Variants in TBCB observed in about 807,000 individuals in gnomAD.
TBCB encodes tubulin folding cofactor B.
A neutral mutation model predicts 29.2 loss-of-function variants in TBCB; 18 were observed. That is an observed-to-expected ratio of 0.62 (90% CI 0.43 to 0.91). The LOEUF (loss-of-function observed/expected upper bound fraction) is 0.91, where lower values mean the gene tolerates loss of function less well. Among genes scored for constraint, TBCB ranks in the 40% least tolerant of loss-of-function variants. The pLI, the probability that TBCB is intolerant of heterozygous loss-of-function variation, is 0.00. For synonymous variants in TBCB, 172 were observed against 137.8 expected (o/e 1.25, Z -1.74); for missense variants, 336 against 337.6 (o/e 1.00, Z 0.04).
intron 2 of TBCB, among the ~76,000 whole-genome samples, chr19:36,119,449 C>T (rs1010536812): frequency 2.0e-4 from 31 of 152,176 alleles, no homozygotes; most frequent in Non-Finnish European, 1.0e-4. Flanking sequence ...AGCCTCCATC[C>T]TTCCCCCAAC....
At chr19:36,124,147 C>A (rs1416879325) in intron 4 of TBCB, among the ~76,000 whole-genome samples, 2 of 152,184 alleles carry the variant, frequency 1.3e-5, no homozygotes, top group African/African-American at 4.8e-5. Context: ...ATTTGCACTT[C>A]TTTGGCAGCT....
In TBCB at chr19:36,120,676, C is replaced by T. The variant is rs747325887; in HGVS notation, c.259-34C>T. Reference sequence around the variant, plus strand: ...CAGCACCCAGGCCTCCCTGGCCAGACCCTGATCCCCACGGAGCCCCTCCCC... The same window carrying T: ...CAGCACCCAGGCCTCCCTGGCCAGATCCTGATCCCCACGGAGCCCCTCCCC... On this transcript the variant is annotated intron_variant, in intron 2 of 5. Transcript: ENST00000221855. 1.3e-5 allele frequency: 21 copies of T among 1,606,030 alleles called. No homozygotes were observed. In the Admixed American group the frequency reaches 3.3e-4, roughly 26 times the overall value.
At position 36,125,654 on chromosome 19, in the gene TBCB, A is replaced by G. The variant is rs2231577; in HGVS notation, c.621-14A>G. The G allele has an allele frequency of 5.1e-4, 814 of 1,592,688 alleles. 8 individuals carry two copies. The Admixed American group carries it at 0.012, about 24-fold the overall frequency. On this transcript the variant is annotated splice_polypyrimidine_tract_variant and intron_variant, in intron 5 of 5. Coordinates refer to ENST00000221855, the MANE Select transcript of TBCB (RefSeq NM_001281.3). ...GGGTCCTCTGACCACACCCACCCCT[A>G]TCCTTTCCTGCAGTGTGAATGGGAA...
chr19:36,121,835 G>T (rs912767896), intron 4 of TBCB, 117 bp downstream of exon 4: 2 of 1,289,006 alleles, frequency 1.6e-6, no homozygotes, highest in East Asian at 5.1e-5. Context: ...GGTTGGGGGG[G>T]ACTCGAAACG....
chr19:36,118,183 T>C (rs1475494543), intron 2 of TBCB, among the ~76,000 whole-genome samples: 1 of 152,194 alleles, frequency 6.6e-6, no homozygotes, highest in South Asian at 2.1e-4. Flanking sequence ...CCCATCTGTG[T>C]TGTGCCAGGG....
At chr19:36,115,201 C>T (rs1455955981), upstream of TBCB, 4 of 542,324 alleles carry the variant, frequency 7.4e-6, no homozygotes, top group Non-Finnish European at 1.3e-5. Context: ...TGGTTGAAGG[C>T]CAGTGCGCAT....
chr19:36,114,994 G>A (rs1973918642), upstream of TBCB: 2 of 819,614 alleles, frequency 2.4e-6, no homozygotes, highest in East Asian at 2.6e-5. The surrounding 1 kb of genome is among the most constrained non-coding windows in gnomAD (Gnocchi z 4.5). Context: ...CCGCCGCCTC[G>A]GGCTCGGCTC....
chr19:36,121,931 G>A, intron 4 of TBCB: 1 of 670,706 alleles, frequency 1.5e-6, no homozygotes, highest in Non-Finnish European at 2.5e-6. Context: ...CGCAGGCGGA[G>A]TGATCTGTCC....
At chr19:36,121,403 G>T in intron 3 of TBCB, 124 bp from the exon 4 acceptor site, 1 of 1,213,756 alleles carries the variant, frequency 8.2e-7, no homozygotes, top group Non-Finnish European at 1.1e-6. Flanking sequence ...CTGGGGCTTG[G>T]GTGACAGCCC....
At chr19:36,120,984 G>A (rs991907038) in intron 3 of TBCB, among the ~76,000 whole-genome samples, 178 bp downstream of exon 3, 1 of 151,476 alleles carries the variant, frequency 6.6e-6, no homozygotes, top group Non-Finnish European at 1.5e-5. Context: ...GCCTGGGGTG[G>A]GAATGAGGGC....
Position 36,125,513 on chromosome 19 carries a change from A to G in TBCB, c.610A>G (p.Asn204Asp). The change falls in exon 5 of 6, where the codon AAT (asparagine) becomes GAT (aspartate). Residue 204 changes from asparagine to aspartate, a missense_variant. Coordinates refer to ENST00000221855, the MANE Select transcript of TBCB (RefSeq NM_001281.3). ...GVRYDEPLGK[N>D]DGSVNGKRYF... is the part of the protein sequence containing the mutation. Reference sequence around the variant, plus strand: ...CCGCTATGATGAGCCACTGGGGAAAAATGATGGCAGGTAACAAGAATTCCC... The same window carrying G: ...CCGCTATGATGAGCCACTGGGGAAAGATGATGGCAGGTAACAAGAATTCCC... 1.9e-6 allele frequency: 3 copies of G among 1,614,172 alleles called. No homozygotes were observed. Among genetic ancestry groups the G allele is most frequent in the Non-Finnish European group, 2.5e-6 (3 of 1,180,026 alleles).
At chr19:36,120,911 T>C (rs1225836440) in intron 3 of TBCB, 105 bp downstream of exon 3, 2 of 1,058,932 alleles carry the variant, frequency 1.9e-6, no homozygotes, top group Non-Finnish European at 2.8e-6. Flanking sequence ...GCCAGTGGTG[T>C]AGACGGGGGG....
At chr19:36,120,029 G>A (rs898061355) in intron 2 of TBCB, among the ~76,000 whole-genome samples, 1 of 151,636 alleles carries the variant, frequency 6.6e-6, no homozygotes, top group African/African-American at 2.4e-5. Flanking sequence ...TGCACCTGCC[G>A]TTCTTGCTCA....
chr19:36,125,033 ATTAG>A (rs1974114178), intron 4 of TBCB, among the ~76,000 whole-genome samples: 1 of 151,926 alleles, frequency 6.6e-6, no homozygotes, highest in Non-Finnish European at 1.5e-5. Context: ...TGAGTTGTGT[ATTAG>A]TTTGCTAACA....
chr19:36,125,356 T>G, intron 4 of TBCB, 95 bp from the exon 5 acceptor site: 1 of 1,355,312 alleles, frequency 7.4e-7, no homozygotes, highest in Non-Finnish European at 1.1e-6. Flanking sequence ...AGGCTTCTAC[T>G]CAATGGGTAG....
At chr19:36,117,025 T>C (rs1473998182) in intron 2 of TBCB, among the ~76,000 whole-genome samples, 4 of 152,194 alleles carry the variant, frequency 2.6e-5, no homozygotes, top group African/African-American at 9.7e-5. Flanking sequence ...GCCTGAATGG[T>C]TCTTTTGTCA....
chr19:36,125,429 G>A, intron 4 of TBCB, 22 bp from the exon 5 acceptor site: 7 of 1,613,526 alleles, frequency 4.3e-6, no homozygotes, highest in Non-Finnish European at 5.9e-6. Context: ...AAGCTTCACA[G>A]GGATTTCTCT....
intron 2 of TBCB, among the ~76,000 whole-genome samples, chr19:36,119,597 CAA>C (rs1188592482): frequency 1.3e-5 from 2 of 152,134 alleles, no homozygotes; most frequent in African/African-American, 4.8e-5. Context: ...AGATAAAAAC[CAA>C]AGTCTAGGCC....
Position 36,116,151 on chromosome 19 carries a change from C to T in TBCB, c.225C>T (p.Gly75=), listed in dbSNP as rs1219026996. 2 of 1,614,164 alleles carry T rather than the reference C, an allele frequency of 1.2e-6. No individual in the cohort carries two copies. Among genetic ancestry groups the T allele is most frequent in the Middle Eastern group, 1.6e-4 (1 of 6,062 alleles). ...TGGATCAAGAGGATGCGCTCCTGGG[C>T]TCCTACCCTGTAGATGACGGCTGCC... ...SKLDQEDALL[G]SYPVDDGCRI... is the part of the protein sequence containing the mutation. Residue 75 remains glycine (G), a synonymous_variant, in exon 2 of 6, where the codon GGC becomes GGT. Coordinates refer to ENST00000221855, the MANE Select transcript of TBCB (RefSeq NM_001281.3).
Sources: gnomAD v4.1 joint callset for allele counts (sites outside exome capture counted in the v4.1 genomes callset) on GRCh38, gnomAD v4.1.1 for gene constraint, Gnocchi (gnomAD v3.1) non-coding constraint, MANE v1.5 for transcripts, NCBI Gene and HGNC (gene_info 2026-07-23, HGNC 2026-07-21) for gene names.